PLEKHA3: variants seen among roughly 807,000 people sequenced by gnomAD.
PLEKHA3 encodes pleckstrin homology domain containing A3.
Under a neutral mutation model 39.2 loss-of-function variants are expected in PLEKHA3, and 19 were observed. The observed-to-expected ratio is 0.48, with a 90% CI of 0.34 to 0.71. The LOEUF is 0.71. Among genes scored for constraint, PLEKHA3 ranks in the 30% least tolerant of loss-of-function variants. PLEKHA3 has a pLI of 0.01. For missense variants in PLEKHA3, 253 were observed against 359.5 expected, an observed-to-expected ratio of 0.70 and a Z score of 2.40; for synonymous variants, 97 against 118.6, an observed-to-expected ratio of 0.82 and a Z score of 1.18.
intron 7 of PLEKHA3, among the ~76,000 whole-genome samples, chr2:178,502,159 T>A (rs1032648599): frequency 4.0e-5 from 6 of 151,848 alleles, no homozygotes; most frequent in Admixed American, 3.3e-4. Flanking sequence ...GTTAAACAGG[T>A]TTAGTTCATA....
rs183123269 is a variant in PLEKHA3 at position 178,498,687 on chromosome 2, C to T, written c.616-524C>T. ...AGACTTAGGGTTCTTCTTCTGAGTTCTTTAAAGTCTTGAATTATTAATGCT... is the reference window on the plus strand; with the variant it reads ...AGACTTAGGGTTCTTCTTCTGAGTTTTTTAAAGTCTTGAATTATTAATGCT... On this transcript the variant is annotated intron_variant, in intron 5 of 7. Coordinates refer to ENST00000234453, the MANE Select transcript of PLEKHA3 (RefSeq NM_019091.4). Among the ~76,000 whole-genome samples the T allele has an allele frequency of 2.8e-3, 426 of 151,962 alleles. 1 individual carries two copies. The highest frequency in any genetic ancestry group is 0.014 in the Middle Eastern group (4 of 294).
rs996181245 is a variant in PLEKHA3 at position 178,514,361 on chromosome 2, G to A, written c.*10474G>A. On this transcript the variant is annotated 3_prime_UTR_variant, in exon 8 of 8. Transcript: ENST00000234453. ...AATGGTGGCAGGGGTAACTATCATC[G>A]AGAATATAGGGCAATGGGTATATTC... The A allele has an allele frequency of 1.4e-4, 21 of 152,142 alleles. No homozygotes were observed. Among genetic ancestry groups the A allele is most frequent in the East Asian group, 9.7e-4 (5 of 5,172 alleles). 9.4% of individuals were successfully genotyped at this position (152,142 alleles called of 1,614,324 possible). A position where few individuals can be genotyped will look rare whatever the true frequency, so the allele number is the denominator to read the frequency against.
At position 178,485,685 on chromosome 2, in the gene PLEKHA3, T is replaced by G. The variant is rs1177576082; in HGVS notation, c.85T>G (p.Tyr29Asp). ...WFVLDNGILSYYDSQDDVCKG... is the reference protein window; with the variant it reads ...WFVLDNGILSDYDSQDDVCKG... ...TGTTTTAGATAATGGAATCTTATCC[T>G]ACTATGATTCACAAGATGATGTTTG... Residue 29 changes from tyrosine (Y) to aspartate (D), a missense_variant, in exon 2 of 8, where the codon TAC (tyrosine) becomes GAC (aspartate). By Grantham distance (160) the Tyr-to-Asp change is radical. Coordinates refer to ENST00000234453, the MANE Select transcript of PLEKHA3 (RefSeq NM_019091.4). The G allele has an allele frequency of 6.2e-7, 1 of 1,613,728 alleles. No individual in the cohort carries two copies. Among genetic ancestry groups the G allele is most frequent in the African/African-American group, 1.3e-5 (1 of 74,930 alleles).
intron 1 of PLEKHA3, among the ~76,000 whole-genome samples, chr2:178,483,297 G>A (rs889467100): frequency 1.3e-5 from 2 of 150,860 alleles, no homozygotes; most frequent in Non-Finnish European, 2.9e-5. Context: ...TTTGTAGAGA[G>A]TAAGAATTTC....
In PLEKHA3 at chr2:178,510,777, A is replaced by T. The variant is rs1215469851; in HGVS notation, c.*6890A>T. On this transcript the variant is annotated 3_prime_UTR_variant, in exon 8 of 8. Coordinates refer to ENST00000234453, the MANE Select transcript of PLEKHA3 (RefSeq NM_019091.4). ...ATCACTGTATCCATAACCTCTTGTA[A>T]ATAGTTGTACACCTTTCAGAAAATG... The T allele has an allele frequency of 1.3e-5, 2 of 152,556 alleles. No individual in the cohort carries two copies. The highest frequency in any genetic ancestry group is 4.8e-5 in the African/African-American group (2 of 41,436). The allele number at this position is 152,556 out of a possible 1,614,324, so 9.5% of individuals were successfully genotyped here.
chr2:178,498,941 G>C (rs930102024), intron 5 of PLEKHA3, among the ~76,000 whole-genome samples: 2 of 151,846 alleles, frequency 1.3e-5, no homozygotes, highest in Admixed American at 1.3e-4. Context: ...TATGTATTAT[G>C]TATAAAATTT....
intron 4 of PLEKHA3, among the ~76,000 whole-genome samples, chr2:178,494,724 T>A (rs549791546): frequency 6.6e-6 from 1 of 152,256 alleles, no homozygotes; most frequent in South Asian, 2.1e-4. Flanking sequence ...ATCCTTCCAC[T>A]CTGCCATTCT....
intron 3 of PLEKHA3, among the ~76,000 whole-genome samples, chr2:178,492,928 A>G (rs1226639354): frequency 2.6e-5 from 4 of 152,250 alleles, no homozygotes; most frequent in Admixed American, 6.5e-5. Flanking sequence ...TGTATACTTT[A>G]CCACAGTTTT....
At chr2:178,487,183 A>G (rs1290925429) in intron 2 of PLEKHA3, among the ~76,000 whole-genome samples, 1 of 152,210 alleles carries the variant, frequency 6.6e-6, no homozygotes. Flanking sequence ...TTCTTGCTGA[A>G]GGCAGGCTGA....
Position 178,506,619 on chromosome 2 carries a change from C to G in PLEKHA3, c.*2732C>G, listed in dbSNP as rs1685603528. The G allele has an allele frequency of 6.6e-6, 1 of 152,148 alleles. No homozygotes were observed. Among genetic ancestry groups the G allele is most frequent in the Non-Finnish European group, 1.5e-5 (1 of 68,022 alleles). 9.4% of individuals were successfully genotyped at this position (152,148 alleles called of 1,614,324 possible). On this transcript the variant is annotated 3_prime_UTR_variant, in exon 8 of 8. Coordinates refer to ENST00000234453, the MANE Select transcript of PLEKHA3 (RefSeq NM_019091.4). ...ATCACAAGATCTCAGGAAATGCGCC[C>G]TTGTGATATGTTAATACCAGATTGC...
intron 2 of PLEKHA3, among the ~76,000 whole-genome samples, chr2:178,487,733 T>C (rs1685273541): frequency 6.6e-6 from 1 of 152,236 alleles, no homozygotes; most frequent in South Asian, 2.1e-4. Context: ...TGTTAGCCAC[T>C]GTGCCTGGCC....
At position 178,494,700 on chromosome 2, in the gene PLEKHA3, C is replaced by G. The variant is rs1316224568; in HGVS notation, c.450+711C>G. On this transcript the variant is annotated intron_variant, in intron 4 of 7. Transcript: ENST00000234453. Reference sequence around the variant, plus strand: ...AGCAGCTCAGTGACAGTATTAGGGACCCAGGCTTGTTCCATCCTTCCACTC... The same window carrying G: ...AGCAGCTCAGTGACAGTATTAGGGAGCCAGGCTTGTTCCATCCTTCCACTC... 2.0e-5 allele frequency among the ~76,000 whole-genome samples: 3 copies of G among 152,086 alleles called. No homozygotes were observed. In the South Asian group the frequency reaches 6.2e-4, roughly 32 times the overall value.
chr2:178,483,269 A>AG (rs200911036), intron 1 of PLEKHA3, among the ~76,000 whole-genome samples: 3,183 of 152,114 alleles, frequency 0.021, 55 homozygotes, highest in East Asian at 0.039. Flanking sequence ...AAAAAAAAAA[A>AG]GTGTTATTTG....
rs1685238015 is a variant in PLEKHA3 at position 178,485,689 on chromosome 2, A to G, written c.89A>G (p.Tyr30Cys). The G allele has an allele frequency of 3.1e-6, 5 of 1,613,762 alleles. No individual in the cohort carries two copies. Among genetic ancestry groups the G allele is most frequent in the Non-Finnish European group, 4.2e-6 (5 of 1,179,908 alleles). The change falls in exon 2 of 8, where the codon TAT (tyrosine) becomes TGT (cysteine). Residue 30 changes from tyrosine (Y) to cysteine (C), a missense_variant. Physicochemically the swap from Tyr to Cys is radical, Grantham distance 194 (BLOSUM62 -2). Coordinates refer to ENST00000234453, the MANE Select transcript of PLEKHA3 (RefSeq NM_019091.4). ...TTAGATAATGGAATCTTATCCTACT[A>G]TGATTCACAAGATGATGTTTGCAAA... ...FVLDNGILSY[Y>C]DSQDDVCKGS...
intron 6 of PLEKHA3, 53 bp downstream of exon 6, chr2:178,499,307 G>A: frequency 6.4e-7 from 1 of 1,568,570 alleles, no homozygotes. Context: ...TCCATCTAGG[G>A]AAGTTCTTTG....
Position 178,506,298 on chromosome 2 carries a change from G to A in PLEKHA3, c.*2411G>A, listed in dbSNP as rs752577397. On this transcript the variant is annotated 3_prime_UTR_variant, in exon 8 of 8. Coordinates refer to ENST00000234453, the MANE Select transcript of PLEKHA3 (RefSeq NM_019091.4). ...CCTATCAGTGATCTTCTAAGCAAAA[G>A]CAGTGCTTGTTTTTCATTTCAAGTG... 6.6e-6 allele frequency: 1 copy of A among 152,116 alleles called. No homozygotes were observed. Among genetic ancestry groups the A allele is most frequent in the South Asian group, 2.1e-4 (1 of 4,834 alleles). 9.4% of individuals were successfully genotyped at this position (152,116 alleles called of 1,614,324 possible). A position where few individuals can be genotyped will look rare whatever the true frequency, so the allele number is the denominator to read the frequency against.
intron 5 of PLEKHA3, among the ~76,000 whole-genome samples, chr2:178,498,361 A>G (rs78491524): frequency 0.011 from 1,610 of 152,324 alleles, 26 homozygotes; most frequent in African/African-American, 0.036. Flanking sequence ...TCTCAGAGCA[A>G]CTAGTGGCTC....
At chr2:178,495,119 C>T (rs925104822) in intron 4 of PLEKHA3, among the ~76,000 whole-genome samples, 23 of 152,080 alleles carry the variant, frequency 1.5e-4, no homozygotes, top group South Asian at 1.0e-3. Context: ...TGTACTGCCA[C>T]TAATTAACTC....
rs901601028 is a variant in PLEKHA3 at position 178,510,771 on chromosome 2, C to G, written c.*6884C>G. 1 of 152,650 alleles carries G rather than the reference C, an allele frequency of 6.6e-6. No individual in the cohort carries two copies. The highest frequency in any genetic ancestry group is 1.5e-5 in the Non-Finnish European group (1 of 68,032). 9.5% of individuals were successfully genotyped at this position (152,650 alleles called of 1,614,324 possible). Reference sequence around the variant, plus strand: ...ATTCCCATCACTGTATCCATAACCTCTTGTAAATAGTTGTACACCTTTCAG... The same window carrying G: ...ATTCCCATCACTGTATCCATAACCTGTTGTAAATAGTTGTACACCTTTCAG... On this transcript the variant is annotated 3_prime_UTR_variant, in exon 8 of 8. Transcript: ENST00000234453.
Sources: gnomAD v4.1 joint callset for allele counts (sites outside exome capture counted in the v4.1 genomes callset) on GRCh38, gnomAD v4.1.1 for gene constraint, MANE v1.5 for transcripts, NCBI Gene and HGNC (gene_info 2026-07-23, HGNC 2026-07-21) for gene names.